The following NKAIN3 variants were observed in gnomAD, a reference collection of about 807,000 sequenced individuals.
The protein encoded by NKAIN3 is sodium/potassium transporting ATPase interacting 3, also known as sodium/potassium-transporting ATPase subunit beta-1-interacting protein 3.
A neutral mutation model predicts 30.2 loss-of-function variants in NKAIN3; 25 were observed. The observed-to-expected ratio is 0.83, with a 90% CI of 0.60 to 1.16. The LOEUF (loss-of-function observed/expected upper bound fraction) is 1.16. NKAIN3 is among the 50% of genes most tolerant of loss of function. The probability of loss-of-function intolerance (pLI) is 0.00; values close to 1 mark genes in which losing one functional copy is unlikely to be tolerated. For synonymous variants in NKAIN3, 91 were observed against 89.6 expected, an observed-to-expected ratio of 1.02 and a Z score of -0.09; for missense variants, 225 against 254.1, an observed-to-expected ratio of 0.89 and a Z score of 0.78.
chr8:62,870,599 A>G (rs1267892495), intron 4 of NKAIN3, among the ~76,000 whole-genome samples: 1 of 128,016 alleles, frequency 7.8e-6, no homozygotes, highest in Non-Finnish European at 1.6e-5. Context: ...TATATACAAC[A>G]TATACATATA....
At chr8:62,713,618 T>C (rs185526513) in intron 3 of NKAIN3, among the ~76,000 whole-genome samples, 2 of 152,318 alleles carry the variant, frequency 1.3e-5, no homozygotes, top group Admixed American at 1.3e-4. Flanking sequence ...ATGTCTATTA[T>C]AAACTGGACA....
chr8:62,435,003 C>T (rs1477492233), intron 1 of NKAIN3, among the ~76,000 whole-genome samples: 1 of 152,000 alleles, frequency 6.6e-6, no homozygotes, highest in African/African-American at 2.4e-5. Flanking sequence ...GAACACTGAG[C>T]TCTAACTGGT....
At position 62,717,459 on chromosome 8, in the gene NKAIN3, T is replaced by G. The variant is rs141387238; in HGVS notation, c.274-29473T>G. Among the ~76,000 whole-genome samples, 73 of 152,156 alleles carry G rather than the reference T, an allele frequency of 4.8e-4. 1 individual carries two copies. The East Asian group carries it at 0.014, about 29-fold the overall frequency. The stretch of plus-strand genomic sequence containing the variant: ...AGGAGACTTTGAATAAAACCAAAGT[T>G]GTGTGGCTTATTGTGTTTTATATGC... On this transcript the variant is annotated intron_variant, in intron 3 of 6. Transcript: ENST00000623646.
At chr8:62,360,009 T>C (rs1019555501) in intron 1 of NKAIN3, among the ~76,000 whole-genome samples, 3 of 152,196 alleles carry the variant, frequency 2.0e-5, no homozygotes, top group African/African-American at 4.8e-5. Context: ...GTCTCTGACC[T>C]ACTCAGGGCT....
chr8:62,851,784 C>G (rs1053959636), intron 4 of NKAIN3, among the ~76,000 whole-genome samples: 1 of 152,158 alleles, frequency 6.6e-6, no homozygotes, highest in African/African-American at 2.4e-5. Context: ...GTTGAACCAG[C>G]CTTGCATCCC....
chr8:62,255,412 C>A (rs986955743), intron 1 of NKAIN3, among the ~76,000 whole-genome samples: 6 of 152,044 alleles, frequency 3.9e-5, no homozygotes, highest in Non-Finnish European at 8.8e-5. Flanking sequence ...CAGGGAGAGG[C>A]AAGGAGGGAG....
intron 4 of NKAIN3, among the ~76,000 whole-genome samples, chr8:62,819,469 G>T (rs576246519): frequency 2.0e-5 from 3 of 151,856 alleles, no homozygotes; most frequent in Non-Finnish European, 2.9e-5. Context: ...AACATTTTAC[G>T]TAGCAGATTC....
chr8:62,492,974 C>A (rs1807119458), intron 1 of NKAIN3, among the ~76,000 whole-genome samples: 1 of 152,062 alleles, frequency 6.6e-6, no homozygotes, highest in Non-Finnish European at 1.5e-5. Context: ...TTGTAAAAAT[C>A]TTCTCCCATT....
intron 4 of NKAIN3, among the ~76,000 whole-genome samples, chr8:62,773,736 G>T (rs920063586): frequency 1.3e-5 from 2 of 152,018 alleles, no homozygotes; most frequent in East Asian, 1.9e-4. Flanking sequence ...ACATGCCTTT[G>T]CTCCTCACTC....
intron 1 of NKAIN3, among the ~76,000 whole-genome samples, chr8:62,288,181 T>C (rs1813443574): frequency 6.6e-6 from 1 of 152,156 alleles, no homozygotes; most frequent in South Asian, 2.1e-4. Context: ...TGTTGGACTG[T>C]GGGCTTCGTG....
intron 3 of NKAIN3, among the ~76,000 whole-genome samples, chr8:62,678,921 C>G (rs1813566967): frequency 6.6e-6 from 1 of 151,876 alleles, no homozygotes; most frequent in African/African-American, 2.4e-5. Flanking sequence ...GGAACACAAA[C>G]AGGACATTTT....
chr8:62,735,545 T>G (rs938026741), intron 3 of NKAIN3, among the ~76,000 whole-genome samples: 1 of 152,146 alleles, frequency 6.6e-6, no homozygotes, highest in South Asian at 2.1e-4. Context: ...TTCTTTCATA[T>G]CCTGTAACAT....
intron 4 of NKAIN3, among the ~76,000 whole-genome samples, chr8:62,754,868 C>G (rs974020952): frequency 2.0e-5 from 3 of 152,168 alleles, no homozygotes; most frequent in African/African-American, 7.2e-5. Flanking sequence ...GTAGACAATA[C>G]TACTGTTGCT....
chr8:62,948,599 C>A (rs763327568), intron 5 of NKAIN3, among the ~76,000 whole-genome samples: 11 of 152,150 alleles, frequency 7.2e-5, no homozygotes, highest in Non-Finnish European at 1.2e-4. Flanking sequence ...CTACATTTTT[C>A]TGTGTATTAA....
chr8:62,367,441 T>A (rs1049674821), intron 1 of NKAIN3, among the ~76,000 whole-genome samples: 8 of 152,142 alleles, frequency 5.3e-5, no homozygotes, highest in East Asian at 3.8e-4. Context: ...ACATTATGCA[T>A]TACATTAATA....
At chr8:62,539,212 C>A (rs1355607442) in intron 1 of NKAIN3, among the ~76,000 whole-genome samples, 2 of 152,170 alleles carry the variant, frequency 1.3e-5, no homozygotes, top group Non-Finnish European at 2.9e-5. Flanking sequence ...AAATTAGCAA[C>A]ATCATTTTAC....
chr8:62,729,043 A>AAAAAAAAAAAAAAAAAAAAAAAAC (rs1815378896), intron 3 of NKAIN3, among the ~76,000 whole-genome samples: 1 of 128,652 alleles, frequency 7.8e-6, no homozygotes, highest in Non-Finnish European at 1.6e-5. Flanking sequence ...AAAAAAACAA[A>AAAAAAAAAAAAAAAAAAAAAAAAC]AAAAAAAAAC....
At chr8:62,604,290 G>A (rs1347403776) in intron 3 of NKAIN3, among the ~76,000 whole-genome samples, 1 of 152,122 alleles carries the variant, frequency 6.6e-6, no homozygotes, top group African/African-American at 2.4e-5. Flanking sequence ...AGCTAGAATC[G>A]CCTTTGCCCT....
At chr8:62,252,355 CT>C (rs1812133747) in intron 1 of NKAIN3, among the ~76,000 whole-genome samples, 1 of 152,186 alleles carries the variant, frequency 6.6e-6, no homozygotes, top group Admixed American at 6.5e-5. Context: ...CAAATAAAAG[CT>C]TTTCGTTATC....
Sources: allele counts gnomAD v4.1 joint callset (sites outside exome capture counted in the v4.1 genomes callset), GRCh38; gene constraint gnomAD v4.1.1; transcripts MANE v1.5; gene names NCBI Gene and HGNC (gene_info 2026-07-23, HGNC 2026-07-21).